The following PATJ variants were observed in gnomAD, a reference collection of about 807,000 sequenced individuals.
PATJ encodes the protein inaD-like protein.
PATJ carries 190 observed loss-of-function variants against 224.9 expected under a neutral mutation model. That is an observed-to-expected ratio of 0.84 (90% CI 0.75 to 0.95). The LOEUF (loss-of-function observed/expected upper bound fraction) is 0.95. PATJ is among the 40% of genes least tolerant of loss of function. PATJ has a pLI of 0.00. For missense variants in PATJ, 2,121 were observed against 2,270.3 expected, an observed-to-expected ratio of 0.93 and a Z score of 1.34; for synonymous variants, 769 against 820.3, an observed-to-expected ratio of 0.94 and a Z score of 1.07.
chr1:61,998,458 C>T (rs1645551212), intron 28 of PATJ, among the ~76,000 whole-genome samples: 1 of 152,056 alleles, frequency 6.6e-6, no homozygotes, highest in Non-Finnish European at 1.5e-5. Flanking sequence ...AACTCCTGGG[C>T]TCAGGCAGTC....
At chr1:61,864,144 G>T in intron 19 of PATJ, 94 bp from the exon 20 acceptor site, 1 of 1,058,912 alleles carries the variant, frequency 9.4e-7, no homozygotes, top group Non-Finnish European at 1.4e-6. Context: ...GGCATATGCA[G>T]TCACGCCAGC....
intron 14 of PATJ, among the ~76,000 whole-genome samples, chr1:61,813,552 C>G (rs902802186): frequency 6.6e-6 from 1 of 151,642 alleles, no homozygotes; most frequent in Non-Finnish European, 1.5e-5. Flanking sequence ...GTACACTGTG[C>G]TAGGTCCGCT....
intron 3 of PATJ, among the ~76,000 whole-genome samples, chr1:61,763,999 C>CTT (rs376121524): frequency 4.7e-4 from 69 of 145,872 alleles, no homozygotes; most frequent in African/African-American, 1.5e-3. Flanking sequence ...TGTGTGTGGT[C>CTT]TTTTTTTTTG....
At chr1:61,755,949 C>T (rs1645615209) in intron 1 of PATJ, among the ~76,000 whole-genome samples, 1 of 152,054 alleles carries the variant, frequency 6.6e-6, no homozygotes, top group Non-Finnish European at 1.5e-5. Flanking sequence ...TTACAGGCAC[C>T]TGCCACCACA....
intron 34 of PATJ, among the ~76,000 whole-genome samples, chr1:62,109,570 G>A (rs557306482): frequency 6.6e-6 from 1 of 152,308 alleles, no homozygotes; most frequent in Admixed American, 6.5e-5. Flanking sequence ...GACCTCTCTG[G>A]GAGCTGGCTT....
intron 3 of PATJ, 86 bp downstream of exon 3, chr1:61,763,265 C>T (rs1254843488): frequency 6.4e-6 from 5 of 779,940 alleles, no homozygotes; most frequent in South Asian, 3.4e-5. Flanking sequence ...TAGACAAAGA[C>T]AAATTATCTT....
chr1:62,006,101 T>TTTTG (rs1316113657), intron 28 of PATJ, among the ~76,000 whole-genome samples: 2 of 109,224 alleles, frequency 1.8e-5, no homozygotes, highest in Non-Finnish European at 4.7e-5. Flanking sequence ...TCTTTTCTTT[T>TTTTG]TTTGTTTTGT....
intron 31 of PATJ, among the ~76,000 whole-genome samples, chr1:62,073,748 A>G (rs1002318988): frequency 6.6e-6 from 1 of 152,188 alleles, no homozygotes; most frequent in Non-Finnish European, 1.5e-5. Flanking sequence ...CCAGCTACTC[A>G]GGTAGCTGAG....
chr1:61,979,377 A>G (rs1815463), intron 27 of PATJ, among the ~76,000 whole-genome samples: 1,706 of 152,088 alleles, frequency 0.011, 63 homozygotes, highest in African/African-American at 0.038. Context: ...AGATTAGGCC[A>G]GGCGCGGTGG....
rs1177258495 is a variant in PATJ at position 62,000,196 on chromosome 1, TTTTG to T, written c.3867+9836_3867+9839del. On this transcript the variant is annotated intron_variant, in intron 28 of 43. Coordinates refer to ENST00000642238, the MANE Select transcript of PATJ (RefSeq NM_001350145.3). ...CAGCCACCGTGCCCAGCCTAGAGTT[TTTTG>T]TTTTTTTTTTTTTATACTTTAAGTT... Among the ~76,000 whole-genome samples the T allele has an allele frequency of 6.3e-5, 9 of 142,872 alleles. No individual in the cohort carries two copies. In the East Asian group the frequency reaches 1.4e-3, roughly 23 times the overall value. 93.7% of individuals were successfully genotyped at this position (142,872 alleles called of 152,430 possible).
chr1:62,047,085 C>G (rs1203839444), intron 30 of PATJ, among the ~76,000 whole-genome samples: 1 of 152,130 alleles, frequency 6.6e-6, no homozygotes, highest in South Asian at 2.1e-4. Flanking sequence ...ATTTAAGGAA[C>G]GCTTTCCTTT....
chr1:62,036,053 G>A (rs1484810437), intron 29 of PATJ, among the ~76,000 whole-genome samples: 1 of 152,102 alleles, frequency 6.6e-6, no homozygotes, highest in Admixed American at 6.6e-5. Flanking sequence ...AGGGGAAGAA[G>A]CACTAGAGGG....
intron 1 of PATJ, among the ~76,000 whole-genome samples, chr1:61,749,193 G>A (rs532364528): frequency 6.6e-6 from 1 of 150,622 alleles, no homozygotes; most frequent in Non-Finnish European, 1.5e-5. Context: ...TTTTATTAGA[G>A]ACAGGGGTTT....
At chr1:62,044,862 T>A (rs1652225985) in intron 30 of PATJ, among the ~76,000 whole-genome samples, 1 of 152,156 alleles carries the variant, frequency 6.6e-6, no homozygotes, top group Non-Finnish European at 1.5e-5. Context: ...ATTTGTGAAT[T>A]TAGGTTGGCG....
intron 6 of PATJ, 51 bp downstream of exon 6, chr1:61,771,677 G>C (rs766969383): frequency 7.8e-7 from 1 of 1,289,686 alleles, no homozygotes; most frequent in Admixed American, 2.6e-5. Flanking sequence ...GCCATTGATC[G>C]TAAGAAGTGT....
intron 1 of PATJ, among the ~76,000 whole-genome samples, chr1:61,747,123 A>G (rs912564379): frequency 1.3e-5 from 2 of 152,218 alleles, no homozygotes; most frequent in Non-Finnish European, 2.9e-5. Flanking sequence ...CCCCTTGGTG[A>G]GCCAACTTGG....
At chr1:61,848,216 C>T (rs1306695432) in intron 17 of PATJ, among the ~76,000 whole-genome samples, 2 of 152,182 alleles carry the variant, frequency 1.3e-5, no homozygotes, top group Admixed American at 1.3e-4. Flanking sequence ...CGAAGACACT[C>T]GTGAAACTCT....
In PATJ at chr1:61,766,456, A is replaced by C; in HGVS notation, c.367A>C (p.Ile123Leu). 1 of 1,598,282 alleles carries C rather than the reference A, an allele frequency of 6.3e-7. No individual in the cohort carries two copies. The highest frequency in any genetic ancestry group is 8.5e-7 in the Non-Finnish European group (1 of 1,175,452). Reference sequence around the variant, plus strand: ...GGGAAATGAAGACTTTAACTCAGTCATTCAACAGATGGCTCAGGTAAAGTT... The same window carrying C: ...GGGAAATGAAGACTTTAACTCAGTCCTTCAACAGATGGCTCAGGTAAAGTT... ...KLGNEDFNSV[I>L]QQMAQGRQIE... is the part of the protein sequence containing the mutation. The change falls in exon 4 of 44, where the codon ATT (isoleucine) becomes CTT (leucine). Residue 123 changes from isoleucine (I) to leucine (L), a missense_variant. Coordinates refer to ENST00000642238, the MANE Select transcript of PATJ (RefSeq NM_001350145.3).
intron 33 of PATJ, among the ~76,000 whole-genome samples, chr1:62,093,498 C>A (rs1661029657): frequency 6.6e-6 from 1 of 152,116 alleles, no homozygotes; most frequent in African/African-American, 2.4e-5. Flanking sequence ...GCATGTGATC[C>A]ACCAAAGCCA....
Sources: gnomAD v4.1 joint callset for allele counts (sites outside exome capture counted in the v4.1 genomes callset) on GRCh38, gnomAD v4.1.1 for gene constraint, MANE v1.5 for transcripts, NCBI Gene and HGNC (gene_info 2026-07-23, HGNC 2026-07-21) for gene names.